The following DPP10 variants were observed in gnomAD, a reference collection of about 807,000 sequenced individuals.
DPP10 encodes dipeptidyl peptidase like 10, also known as inactive dipeptidyl peptidase 10.
DPP10 carries 33 observed loss-of-function variants against 120.9 expected under a neutral mutation model. The ratio of observed to expected loss-of-function variants is 0.27; its 90% confidence interval spans 0.21 to 0.37. The LOEUF is 0.37. DPP10 is among the 10% of genes least tolerant of loss of function. The probability of loss-of-function intolerance (pLI) is 1.00; values close to 1 mark genes in which losing one functional copy is unlikely to be tolerated. For synonymous variants in DPP10, 337 were observed against 326.1 expected (o/e 1.03, Z -0.36); for missense variants, 816 against 942.8 (o/e 0.87, Z 1.76).
chr2:114,735,292 A>G (rs1413253784), intron 1 of DPP10, among the ~76,000 whole-genome samples: 2 of 152,188 alleles, frequency 1.3e-5, no homozygotes, highest in Non-Finnish European at 2.9e-5. Flanking sequence ...TTACAAGAAC[A>G]CCACCCAGTC....
At chr2:114,533,089 A>G (rs1052710866) in intron 1 of DPP10, among the ~76,000 whole-genome samples, 4 of 152,196 alleles carry the variant, frequency 2.6e-5, no homozygotes, top group African/African-American at 9.7e-5. Context: ...ATGCTTACCA[A>G]GGAATTTTAT....
intron 5 of DPP10, among the ~76,000 whole-genome samples, chr2:115,684,185 T>G (rs1475808620): frequency 6.6e-6 from 1 of 151,886 alleles, no homozygotes; most frequent in Non-Finnish European, 1.5e-5. Context: ...ATACTTGTTT[T>G]TCGATGTTCA....
At chr2:114,500,683 AC>A (rs1683077964) in intron 1 of DPP10, among the ~76,000 whole-genome samples, 2 of 152,208 alleles carry the variant, frequency 1.3e-5, no homozygotes, top group South Asian at 4.1e-4. Context: ...ACAAAACAAA[AC>A]AAAAAAGCCA....
intron 1 of DPP10, among the ~76,000 whole-genome samples, chr2:114,658,874 A>G: frequency 6.6e-6 from 1 of 152,196 alleles, no homozygotes; most frequent in South Asian, 2.1e-4. Context: ...CCCAAATCTC[A>G]TCCTGAATTG....
rs551281684 is a variant in DPP10 at position 115,811,612 on chromosome 2, T to G, written c.1701-3181T>G. ...ATGTGTCATACGTAGATTGGAAAGTTATATCTTTTAAATAAACAAAACATC... is the reference window on the plus strand; with the variant it reads ...ATGTGTCATACGTAGATTGGAAAGTGATATCTTTTAAATAAACAAAACATC... On this transcript the variant is annotated intron_variant, in intron 19 of 25. Coordinates refer to ENST00000410059, the MANE Select transcript of DPP10 (RefSeq NM_020868.6). Among the ~76,000 whole-genome samples the G allele has an allele frequency of 1.6e-4, 24 of 152,348 alleles. 1 individual carries two copies. In the South Asian group the frequency reaches 5.0e-3, roughly 32 times the overall value.
At position 115,060,083 on chromosome 2, in the gene DPP10, G is replaced by A. The variant is rs1706277036; in HGVS notation, c.61-249156G>A. The stretch of plus-strand genomic sequence containing the variant: ...TCTCACTATTGTAAGCTACACGAAG[G>A]CAGAAAGCATCACTTATTTTAATGA... On this transcript the variant is annotated intron_variant, in intron 1 of 25. Transcript: ENST00000410059. 2.0e-5 allele frequency among the ~76,000 whole-genome samples: 3 copies of A among 151,810 alleles called. No individual in the cohort carries two copies. The South Asian group carries it at 6.3e-4, about 32-fold the overall frequency.
chr2:115,450,981 T>C (rs1475478200), intron 3 of DPP10, among the ~76,000 whole-genome samples: 3 of 151,944 alleles, frequency 2.0e-5, no homozygotes, highest in East Asian at 1.9e-4. Flanking sequence ...AGTATTCTTA[T>C]GGTTGTCTTA....
At chr2:114,537,417 C>A (rs1388848493) in intron 1 of DPP10, among the ~76,000 whole-genome samples, 1 of 152,060 alleles carries the variant, frequency 6.6e-6, no homozygotes, top group Non-Finnish European at 1.5e-5. Flanking sequence ...TAAGGAAAAT[C>A]ATCTCTGTGG....
chr2:114,640,578 T>C (rs567654448), intron 1 of DPP10, among the ~76,000 whole-genome samples: 7 of 151,872 alleles, frequency 4.6e-5, no homozygotes, highest in Admixed American at 1.3e-4. Flanking sequence ...CTAGCGGCCA[T>C]CAGATTGTAG....
At chr2:115,355,291 T>G (rs1195085022) in intron 3 of DPP10, among the ~76,000 whole-genome samples, 1 of 152,192 alleles carries the variant, frequency 6.6e-6, no homozygotes, top group Non-Finnish European at 1.5e-5. Flanking sequence ...TGGTTTTGAT[T>G]TGCATTTCTC....
Position 114,918,825 on chromosome 2 carries a change from G to A in DPP10, c.61-390414G>A, listed in dbSNP as rs115054185. On this transcript the variant is annotated intron_variant, in intron 1 of 25. Coordinates refer to ENST00000410059, the MANE Select transcript of DPP10 (RefSeq NM_020868.6). ...GCAGGGTGGGAGGAGGGTGAGGACC[G>A]TAAAACTACCTATCAAGTAGTATGG... Among the ~76,000 whole-genome samples the A allele has an allele frequency of 6.3e-3, 951 of 152,054 alleles. 7 individuals are homozygous for A. The highest frequency in any genetic ancestry group is 0.021 in the African/African-American group (883 of 41,492).
chr2:115,299,985 TC>T (rs1213328210), intron 1 of DPP10, among the ~76,000 whole-genome samples: 1 of 152,058 alleles, frequency 6.6e-6, no homozygotes, highest in Non-Finnish European at 1.5e-5. Context: ...CTTCAAGTGG[TC>T]CTATAAATTC....
chr2:115,664,500 T>TA (rs764185124), intron 5 of DPP10, among the ~76,000 whole-genome samples: 144 of 152,218 alleles, frequency 9.5e-4, no homozygotes, highest in Admixed American at 1.6e-3. Flanking sequence ...CCCACTTTTT[T>TA]ATTGTTCCTA....
intron 5 of DPP10, among the ~76,000 whole-genome samples, chr2:115,548,504 A>G (rs754036483): frequency 1.3e-5 from 2 of 152,142 alleles, no homozygotes; most frequent in Non-Finnish European, 2.9e-5. Context: ...TATTCTACAA[A>G]TATCAGTATA....
intron 3 of DPP10, among the ~76,000 whole-genome samples, chr2:115,491,616 C>A (rs548037164): frequency 6.6e-6 from 1 of 151,962 alleles, no homozygotes; most frequent in Non-Finnish European, 1.5e-5. Context: ...CTAGCATCTT[C>A]CTGGCTGGAA....
intron 5 of DPP10, among the ~76,000 whole-genome samples, chr2:115,572,950 G>A (rs1299355969): frequency 1.3e-5 from 2 of 152,184 alleles, no homozygotes; most frequent in Non-Finnish European, 2.9e-5. Flanking sequence ...ATCTGTCATA[G>A]CAGCATGCAG....
intron 1 of DPP10, among the ~76,000 whole-genome samples, chr2:114,949,123 C>T (rs2104627045): frequency 6.6e-6 from 1 of 152,212 alleles, no homozygotes; most frequent in African/African-American, 2.4e-5. Context: ...CGGGGTTTCA[C>T]CATGTTGCCC....
chr2:115,264,472 G>T (rs2059380309), intron 1 of DPP10, among the ~76,000 whole-genome samples: 1 of 152,178 alleles, frequency 6.6e-6, no homozygotes, highest in African/African-American at 2.4e-5. Context: ...GTTGGATACA[G>T]CTTATTATAT....
intron 1 of DPP10, among the ~76,000 whole-genome samples, chr2:114,679,780 G>T (rs1698903545): frequency 2.0e-5 from 3 of 151,994 alleles, no homozygotes; most frequent in African/African-American, 7.2e-5. Flanking sequence ...CTGATTACAA[G>T]AATGCTTCAA....
Sources: gnomAD v4.1 joint callset for allele counts (sites outside exome capture counted in the v4.1 genomes callset) on GRCh38, gnomAD v4.1.1 for gene constraint, MANE v1.5 for transcripts, NCBI Gene and HGNC (gene_info 2026-07-23, HGNC 2026-07-21) for gene names.